Variants in IGFBP7 observed in about 807,000 individuals in gnomAD.
IGFBP7 encodes the protein insulin like growth factor binding protein 7.
IGFBP7 carries 31 observed loss-of-function variants against 29.4 expected under a neutral mutation model. The ratio of observed to expected loss-of-function variants is 1.05; its 90% CI spans 0.79 to 1.42. The LOEUF is 1.42. Among genes scored for constraint, IGFBP7 ranks in the 40% most tolerant of loss-of-function variants. The pLI, the probability that IGFBP7 is intolerant of heterozygous loss-of-function variation, is 0.00. For synonymous variants in IGFBP7, 172 were observed against 174.9 expected (o/e 0.98, Z 0.13); for missense variants, 393 against 395.5 (o/e 0.99, Z 0.05).
At chr4:57,037,919 C>CT (rs1724122799) in intron 2 of IGFBP7, among the ~76,000 whole-genome samples, 1 of 152,238 alleles carries the variant, frequency 6.6e-6, no homozygotes, top group Non-Finnish European at 1.5e-5. Context: ...GCCTGCAGTT[C>CT]TTGCAGTAAG....
At chr4:57,104,999 T>G (rs537247414) in intron 1 of IGFBP7, among the ~76,000 whole-genome samples, 1 of 152,326 alleles carries the variant, frequency 6.6e-6, no homozygotes, top group East Asian at 1.9e-4. Context: ...CCAGACACTG[T>G]GTTTATAAGG....
intron 1 of IGFBP7, among the ~76,000 whole-genome samples, chr4:57,056,470 G>A (rs1212968965): frequency 1.3e-5 from 2 of 152,130 alleles, no homozygotes; most frequent in African/African-American, 4.8e-5. Context: ...TTGAGAAGGT[G>A]CTAGATGTGG....
At chr4:57,091,489 T>C (rs1025450413) in intron 1 of IGFBP7, among the ~76,000 whole-genome samples, 2 of 152,196 alleles carry the variant, frequency 1.3e-5, no homozygotes, top group African/African-American at 4.8e-5. Context: ...TCAAACACAC[T>C]GAATCTTGGT....
chr4:57,033,062 G>A (rs1315727355), intron 3 of IGFBP7, 133 bp downstream of exon 3: 1 of 767,640 alleles, frequency 1.3e-6, no homozygotes, highest in Non-Finnish European at 2.4e-6. Flanking sequence ...GCGACTCCAT[G>A]GTAAGGCTAT....
rs375402314 is a variant in IGFBP7 at position 57,038,452 on chromosome 4, G to T, written c.585+2372C>A. On this transcript the variant is annotated intron_variant, in intron 2 of 4. Coordinates refer to ENST00000295666, the MANE Select transcript of IGFBP7 (RefSeq NM_001553.3). ...GCAGGGGCCCTTGAGGCTGGATCCC[G>T]CCCCGCTTTTTGTTTTGCCTAGGCT... Among the ~76,000 whole-genome samples the T allele has an allele frequency of 2.0e-4, 31 of 152,258 alleles. No homozygotes were observed. The East Asian group carries it at 5.6e-3, about 28-fold the overall frequency.
At chr4:57,083,009 C>G (rs1048744286) in intron 1 of IGFBP7, among the ~76,000 whole-genome samples, 1 of 152,184 alleles carries the variant, frequency 6.6e-6, no homozygotes, top group Non-Finnish European at 1.5e-5. Context: ...CAAATTCATT[C>G]TTTCCAATAG....
intron 1 of IGFBP7, chr4:57,073,243 T>TGG: frequency 1.9e-6 from 1 of 517,978 alleles, no homozygotes; most frequent in East Asian, 4.1e-5. Context: ...GGTATTATTA[T>TGG]TATTATTATT....
chr4:57,043,746 C>T (rs1350601213), intron 1 of IGFBP7, among the ~76,000 whole-genome samples: 1 of 152,226 alleles, frequency 6.6e-6, no homozygotes, highest in African/African-American at 2.4e-5. Flanking sequence ...CTGCTGCAAA[C>T]ATGAATGTGG....
intron 4 of IGFBP7, 185 bp downstream of exon 4, chr4:57,032,241 T>G (rs934024848): frequency 1.4e-6 from 2 of 1,401,850 alleles, no homozygotes; most frequent in Non-Finnish European, 1.9e-6. Context: ...CGATGTTCAG[T>G]CACCCATCCA....
intron 2 of IGFBP7, among the ~76,000 whole-genome samples, chr4:57,034,293 T>C (rs181340357): frequency 5.3e-5 from 8 of 152,122 alleles, no homozygotes; most frequent in African/African-American, 1.4e-4. Flanking sequence ...TCGATACATA[T>C]ACATTTAGCA....
chr4:57,099,176 T>A (rs941354315), intron 1 of IGFBP7, among the ~76,000 whole-genome samples: 3 of 152,196 alleles, frequency 2.0e-5, no homozygotes, highest in Admixed American at 6.5e-5. Flanking sequence ...CAAACCTCTG[T>A]AGAAGCTGGA....
intron 1 of IGFBP7, among the ~76,000 whole-genome samples, chr4:57,108,172 C>T (rs919806117): frequency 6.6e-6 from 1 of 152,142 alleles, no homozygotes; most frequent in Non-Finnish European, 1.5e-5. Context: ...TTGCAATTTT[C>T]TAAGTTTAAG....
intron 1 of IGFBP7, among the ~76,000 whole-genome samples, chr4:57,065,176 A>G (rs1288529342): frequency 6.6e-6 from 1 of 152,242 alleles, no homozygotes; most frequent in Non-Finnish European, 1.5e-5. Context: ...CCACGCCAGG[A>G]GGCGGTCAAG....
chr4:57,091,058 T>C (rs1293565988), intron 1 of IGFBP7, among the ~76,000 whole-genome samples: 1 of 152,196 alleles, frequency 6.6e-6, no homozygotes, highest in African/African-American at 2.4e-5. Context: ...TATCATGCTA[T>C]GTTAGACAAC....
intron 1 of IGFBP7, among the ~76,000 whole-genome samples, chr4:57,047,159 C>T (rs922624729): frequency 1.3e-5 from 2 of 152,110 alleles, no homozygotes; most frequent in Admixed American, 6.6e-5. Context: ...TTGGGGGGTA[C>T]GCGGTGGAAG....
intron 1 of IGFBP7, among the ~76,000 whole-genome samples, chr4:57,067,144 G>A (rs573506220): frequency 6.6e-6 from 1 of 152,244 alleles, no homozygotes; most frequent in South Asian, 2.1e-4. Flanking sequence ...TGTCTGCAAT[G>A]ATGATATATA....
intron 1 of IGFBP7, among the ~76,000 whole-genome samples, chr4:57,077,825 G>A (rs1249933514): frequency 6.6e-6 from 1 of 152,140 alleles, no homozygotes; most frequent in Non-Finnish European, 1.5e-5. Context: ...TTAACGGTTT[G>A]AGCCTCAGTT....
At chr4:57,062,513 G>C (rs951002782) in intron 1 of IGFBP7, among the ~76,000 whole-genome samples, 6 of 152,146 alleles carry the variant, frequency 3.9e-5, no homozygotes, top group African/African-American at 1.4e-4. Flanking sequence ...CCCCAAATAG[G>C]TGGGAATCAT....
At chr4:57,084,907 CAGCCTCCCA>C (rs79128822) in intron 1 of IGFBP7, among the ~76,000 whole-genome samples, 17,384 of 150,162 alleles carry the variant, frequency 0.12, 1,203 homozygotes, top group Non-Finnish European at 0.14. Context: ...CCTACCACCT[CAGCCTCCCA>C]AGTAGCTGGA....
Sources: allele counts gnomAD v4.1 joint callset (sites outside exome capture counted in the v4.1 genomes callset), GRCh38; gene constraint gnomAD v4.1.1; transcripts MANE v1.5; gene names NCBI Gene and HGNC (gene_info 2026-07-23, HGNC 2026-07-21).